Variants in PHYHIPL observed in about 807,000 individuals in gnomAD.
The protein encoded by PHYHIPL is phytanoyl-CoA 2-hydroxylase interacting protein like.
A neutral mutation model predicts 33.4 loss-of-function variants in PHYHIPL; 9 were observed. The observed-to-expected ratio is 0.27, with a 90% confidence interval of 0.16 to 0.47. The LOEUF (loss-of-function observed/expected upper bound fraction) is 0.47, where lower values mean the gene tolerates loss of function less well. PHYHIPL is among the 20% of genes least tolerant of loss of function. The pLI, the probability that PHYHIPL is intolerant of heterozygous loss-of-function variation, is 0.99. For synonymous variants in PHYHIPL, 153 were observed against 154.1 expected, an observed-to-expected ratio of 0.99 and a Z score of 0.05; for missense variants, 365 against 460.7, an observed-to-expected ratio of 0.79 and a Z score of 1.90.
At chr10:59,188,990 A>G (rs1838702714) in intron 1 of PHYHIPL, among the ~76,000 whole-genome samples, 1 of 152,130 alleles carries the variant, frequency 6.6e-6, no homozygotes, top group South Asian at 2.1e-4. Flanking sequence ...AGGTACACTT[A>G]TAATTCTATC....
At chr10:59,198,284 T>C (rs532289680) in intron 1 of PHYHIPL, among the ~76,000 whole-genome samples, 1 of 151,990 alleles carries the variant, frequency 6.6e-6, no homozygotes, top group South Asian at 2.1e-4. Flanking sequence ...TTCCCACCTA[T>C]GAGTGAGAAC....
chr10:59,187,505 T>C (rs1448148540), intron 1 of PHYHIPL, among the ~76,000 whole-genome samples: 3 of 152,212 alleles, frequency 2.0e-5, no homozygotes, highest in Admixed American at 6.5e-5. Flanking sequence ...GGATTCCCTC[T>C]TTTTCTGTTG....
At chr10:59,202,622 C>T (rs903001556) in intron 1 of PHYHIPL, among the ~76,000 whole-genome samples, 5 of 152,144 alleles carry the variant, frequency 3.3e-5, no homozygotes, top group East Asian at 3.9e-4. Flanking sequence ...AATAGTATTA[C>T]ATTTTATAAC....
At chr10:59,177,106 C>A in intron 1 of PHYHIPL, 147 bp downstream of exon 1, 1 of 661,230 alleles carries the variant, frequency 1.5e-6, no homozygotes, top group Non-Finnish European at 2.5e-6. Flanking sequence ...GGTTACCCTC[C>A]GCCCACCGCC....
chr10:59,196,519 C>T (rs1838924090), intron 1 of PHYHIPL, among the ~76,000 whole-genome samples: 1 of 151,292 alleles, frequency 6.6e-6, no homozygotes. Context: ...GGGTTCACGC[C>T]ATTCTCCTCA....
chr10:59,194,385 A>G (rs1018818984), intron 1 of PHYHIPL, among the ~76,000 whole-genome samples: 4 of 152,064 alleles, frequency 2.6e-5, no homozygotes, highest in Non-Finnish European at 5.9e-5. Flanking sequence ...ATACTTTTCT[A>G]TTTTAATTTT....
intron 4 of PHYHIPL, among the ~76,000 whole-genome samples, chr10:59,243,195 TTGAA>T (rs1159598785): frequency 6.6e-6 from 1 of 151,716 alleles, no homozygotes; most frequent in Non-Finnish European, 1.5e-5. Context: ...ATAAAACAAT[TTGAA>T]TGACATCATC....
At chr10:59,177,212 G>T in intron 1 of PHYHIPL, 2 of 580,190 alleles carry the variant, frequency 3.4e-6, no homozygotes, top group East Asian at 3.0e-5. Context: ...GCCTTCGCCC[G>T]CCTGGCCCGG....
At chr10:59,206,714 A>C in intron 1 of PHYHIPL, 1 of 967,068 alleles carries the variant, frequency 1.0e-6, no homozygotes, top group South Asian at 1.7e-5. Context: ...GTAAAAGTAC[A>C]TAACTAAAAG....
chr10:59,196,586 T>C (rs1254826665), intron 1 of PHYHIPL, among the ~76,000 whole-genome samples: 1 of 151,784 alleles, frequency 6.6e-6, no homozygotes, highest in African/African-American at 2.4e-5. Flanking sequence ...GCCAGGCTAA[T>C]TTTTTGTATT....
chr10:59,176,905 G>C lies in PHYHIPL; in HGVS notation c.52G>C (p.Glu18Gln). The C allele has an allele frequency of 1.2e-6, 2 of 1,613,790 alleles. No homozygotes were observed. Among genetic ancestry groups the C allele is most frequent in the Non-Finnish European group, 1.7e-6 (2 of 1,179,850 alleles). ...CCTCAACAGCCCCACCAGCCCCTGT[G>C]AGGAGGTGATCAAAAACCTCAGCCT... ...HALNSPTSPC[E>Q]EVIKNLSLEA... The change falls in exon 1 of 5, where the codon GAG becomes CAG. Residue 18 changes from glutamate to glutamine, a missense_variant. This residue lies in a region of PHYHIPL where 89 missense variants were observed against 78.3 expected (regional missense o/e 1.14). Coordinates refer to ENST00000373880, the MANE Select transcript of PHYHIPL (RefSeq NM_032439.4).
At chr10:59,229,661 C>A (rs993146315) in intron 1 of PHYHIPL, among the ~76,000 whole-genome samples, 16 of 148,980 alleles carry the variant, frequency 1.1e-4, no homozygotes, top group African/African-American at 4.1e-4. Context: ...GTGGTCAGAA[C>A]AAATTCATAG....
intron 1 of PHYHIPL, among the ~76,000 whole-genome samples, chr10:59,204,757 A>T (rs2133226025): frequency 6.6e-6 from 1 of 151,190 alleles, no homozygotes; most frequent in African/African-American, 2.4e-5. Flanking sequence ...TTATATTTTT[A>T]TGCTTCCATA....
At chr10:59,180,281 C>CAT (rs1838370009) in intron 1 of PHYHIPL, among the ~76,000 whole-genome samples, 1 of 130,044 alleles carries the variant, frequency 7.7e-6, no homozygotes, top group African/African-American at 3.0e-5. Context: ...CACACACATA[C>CAT]ACACACATAT....
chr10:59,180,257 T>TACAC (rs140480148), intron 1 of PHYHIPL, among the ~76,000 whole-genome samples: 1,529 of 118,928 alleles, frequency 0.013, 60 homozygotes, highest in African/African-American at 0.046. Flanking sequence ...ATCATATATA[T>TACAC]ACACACACAC....
intron 4 of PHYHIPL, among the ~76,000 whole-genome samples, chr10:59,239,041 C>T (rs1840313075): frequency 6.6e-6 from 1 of 151,836 alleles, no homozygotes; most frequent in Non-Finnish European, 1.5e-5. Flanking sequence ...TTCCTCTTTT[C>T]ATGGGTCTTT....
intron 1 of PHYHIPL, among the ~76,000 whole-genome samples, chr10:59,224,250 G>A (rs904070522): frequency 6.6e-6 from 1 of 152,088 alleles, no homozygotes; most frequent in Non-Finnish European, 1.5e-5. Context: ...AATTCCTAAA[G>A]TCTAAAGTTA....
At chr10:59,185,090 A>G (rs964104264) in intron 1 of PHYHIPL, among the ~76,000 whole-genome samples, 1 of 141,874 alleles carries the variant, frequency 7.0e-6, no homozygotes, top group Non-Finnish European at 1.5e-5. Context: ...TCCCAGGTTC[A>G]CGCCATTCTC....
At chr10:59,219,525 A>G (rs936045397) in intron 1 of PHYHIPL, among the ~76,000 whole-genome samples, 2 of 152,166 alleles carry the variant, frequency 1.3e-5, no homozygotes, top group South Asian at 2.1e-4. Flanking sequence ...CATTATGCTA[A>G]TTGGATATAT....
Sources: allele counts gnomAD v4.1 joint callset (sites outside exome capture counted in the v4.1 genomes callset), GRCh38; gene constraint gnomAD v4.1.1; regional missense constraint gnomAD v4.1.1; transcripts MANE v1.5; gene names NCBI Gene and HGNC (gene_info 2026-07-23, HGNC 2026-07-21).